The following SCFD2 variants were observed in gnomAD, a reference collection of about 807,000 sequenced individuals.
The protein encoded by SCFD2 is sec1 family domain containing 2.
In SCFD2, 54 loss-of-function variants were observed where a neutral mutation model predicts 58.9. The observed-to-expected ratio is 0.92, with a 90% CI of 0.74 to 1.15. The LOEUF is 1.15. Ranked by LOEUF, SCFD2 falls within the 50% of genes most tolerant of loss-of-function variation. The pLI is 0.00. For missense variants in SCFD2, 805 were observed against 836.6 expected (o/e 0.96, Z 0.47); for synonymous variants, 321 against 335.9 (o/e 0.96, Z 0.49).
chr4:53,247,947 G>A (rs563098224), intron 4 of SCFD2, among the ~76,000 whole-genome samples: 18 of 151,884 alleles, frequency 1.2e-4, no homozygotes, highest in South Asian at 2.1e-4. Flanking sequence ...GAACAGCTCC[G>A]GTCTACAGCT....
chr4:53,285,713 T>C (rs1452092616), intron 3 of SCFD2, among the ~76,000 whole-genome samples: 1 of 151,916 alleles, frequency 6.6e-6, no homozygotes, highest in Admixed American at 6.6e-5. Context: ...ACCTTCCCAT[T>C]CCCCTAGTCA....
chr4:52,955,866 C>T lies in SCFD2; in HGVS notation c.1562-34996G>A, dbSNP rs1213671005. The T allele has an allele frequency of 1.5e-5, 5 of 344,494 alleles. No individual in the cohort carries two copies. The East Asian group carries it at 3.9e-4, about 27-fold the overall frequency. 21.3% of individuals were successfully genotyped at this position (344,494 alleles called of 1,614,324 possible). A position where few individuals can be genotyped will look rare whatever the true frequency, so the allele number is the denominator to read the frequency against. ...GCTGAGAAAAATATCCATTGCGTGC[C>T]CAAGTTAGCATGCTCTAATTGAAGG... On this transcript the variant is annotated intron_variant, in intron 5 of 8. Transcript: ENST00000401642.
intron 5 of SCFD2, among the ~76,000 whole-genome samples, chr4:53,037,016 C>T (rs564519872): frequency 3.3e-5 from 5 of 152,100 alleles, no homozygotes; most frequent in African/African-American, 9.6e-5. Context: ...GTTCTGTATC[C>T]GAATTGTGGC....
intron 3 of SCFD2, among the ~76,000 whole-genome samples, chr4:53,307,759 G>A (rs1011357921): frequency 1.3e-5 from 2 of 152,300 alleles, no homozygotes; most frequent in African/African-American, 4.8e-5. Context: ...CCTCTGAGGA[G>A]AGGGTGCCCT....
At chr4:53,350,389 A>G (rs1270782783) in intron 2 of SCFD2, among the ~76,000 whole-genome samples, 4 of 152,182 alleles carry the variant, frequency 2.6e-5, no homozygotes, top group African/African-American at 7.2e-5. Context: ...TCTAATGTCA[A>G]TGCCTTAAAC....
intron 7 of SCFD2, among the ~76,000 whole-genome samples, chr4:52,897,481 C>A (rs1719053186): frequency 6.6e-6 from 1 of 152,160 alleles, no homozygotes; most frequent in Non-Finnish European, 1.5e-5. Flanking sequence ...ATATGTTGAA[C>A]CAGCCTTGCA....
Position 53,365,528 on chromosome 4 carries a change from C to T in SCFD2, c.414G>A (p.Glu138=), listed in dbSNP as rs202050429. The T allele has an allele frequency of 1.9e-6, 3 of 1,614,222 alleles. No homozygotes were observed. The highest frequency in any genetic ancestry group is 1.6e-4 in the Middle Eastern group (1 of 6,062). Residue 138 remains glutamate (E), a synonymous_variant, in exon 1 of 9, where the codon GAG becomes GAA. Coordinates refer to ENST00000401642, the MANE Select transcript of SCFD2 (RefSeq NM_152540.4). This position sits in a 1 kb window ranked among gnomAD's most constrained non-coding sequence, Gnocchi z 4.3. The stretch of plus-strand genomic sequence containing the variant: ...TGTTGCCCATCCATTCACACAGCTT[C>T]TCCTCCAGCTGCTCGAACACCGGCT... The part of the protein sequence containing the change: ...GQQPVFEQLE[E]KLCEWMGNMN...
intron 4 of SCFD2, among the ~76,000 whole-genome samples, chr4:53,198,580 T>C (rs1361400212): frequency 6.6e-6 from 1 of 152,048 alleles, no homozygotes; most frequent in Non-Finnish European, 1.5e-5. Flanking sequence ...TCTAGTCTTA[T>C]TATTATACAT....
In SCFD2 at chr4:53,097,623, G is replaced by C. The variant is rs921327642; in HGVS notation, c.1561+47710C>G. Among the ~76,000 whole-genome samples the C allele has an allele frequency of 3.3e-5, 5 of 152,204 alleles. 1 individual carries two copies. The highest frequency in any genetic ancestry group is 3.9e-4 in the East Asian group (2 of 5,166). On this transcript the variant is annotated intron_variant, in intron 5 of 8. Transcript: ENST00000401642. ...GCTGAAGGAGATTTTGGGCTGAGAC[G>C]ATGGGGTTTTCTAAATACACAATCA...
intron 4 of SCFD2, among the ~76,000 whole-genome samples, chr4:53,256,132 G>T (rs1278663359): frequency 6.6e-6 from 1 of 151,476 alleles, no homozygotes; most frequent in Admixed American, 6.5e-5. Flanking sequence ...CCCAGACGGG[G>T]TGGCTGCCGG....
At chr4:53,034,440 T>A (rs903586339) in intron 5 of SCFD2, among the ~76,000 whole-genome samples, 5 of 151,986 alleles carry the variant, frequency 3.3e-5, no homozygotes, top group African/African-American at 1.2e-4. Context: ...CTCTAACCAC[T>A]CCTATTCAAC....
chr4:53,187,921 T>C (rs1243912978), intron 4 of SCFD2, among the ~76,000 whole-genome samples: 2 of 152,174 alleles, frequency 1.3e-5, no homozygotes, highest in Non-Finnish European at 2.9e-5. Context: ...CATCAAGAGA[T>C]ATTCTTGCCC....
At chr4:53,028,758 G>C (rs1030078921) in intron 5 of SCFD2, among the ~76,000 whole-genome samples, 3 of 152,134 alleles carry the variant, frequency 2.0e-5, no homozygotes, top group African/African-American at 7.2e-5. Context: ...GTATAAAGGG[G>C]GAGTGACTAC....
At chr4:52,970,468 G>A (rs561512219) in intron 5 of SCFD2, among the ~76,000 whole-genome samples, 4 of 152,332 alleles carry the variant, frequency 2.6e-5, no homozygotes, top group South Asian at 2.1e-4. Flanking sequence ...CGAGGCTCGG[G>A]GAGGGGCACC....
chr4:53,290,525 C>A (rs1430602748), intron 3 of SCFD2, among the ~76,000 whole-genome samples: 2 of 151,684 alleles, frequency 1.3e-5, no homozygotes, highest in African/African-American at 4.8e-5. Context: ...AAAAGAAGAT[C>A]CGAAATAAAT....
intron 5 of SCFD2, among the ~76,000 whole-genome samples, chr4:52,975,491 G>C (rs1350972145): frequency 1.3e-5 from 2 of 152,204 alleles, no homozygotes; most frequent in East Asian, 1.9e-4. Flanking sequence ...ACACCAGTTA[G>C]AATGGTGATC....
At chr4:53,322,371 AATGGC>A (rs1281665440) in intron 2 of SCFD2, among the ~76,000 whole-genome samples, 7 of 152,170 alleles carry the variant, frequency 4.6e-5, no homozygotes, top group African/African-American at 1.7e-4. Context: ...ACAGTTTACA[AATGGC>A]ATGGCAACAT....
chr4:53,342,537 T>A (rs1460259437), intron 2 of SCFD2, among the ~76,000 whole-genome samples: 2 of 152,110 alleles, frequency 1.3e-5, no homozygotes, highest in Non-Finnish European at 2.9e-5. Flanking sequence ...TTGTCAACAT[T>A]AGACAGATCA....
intron 2 of SCFD2, among the ~76,000 whole-genome samples, chr4:53,329,128 A>G (rs1367764913): frequency 6.6e-6 from 1 of 152,238 alleles, no homozygotes; most frequent in Non-Finnish European, 1.5e-5. Context: ...CTAGCACAGC[A>G]GTCTGAGATC....
Sources: gnomAD v4.1 joint callset for allele counts (sites outside exome capture counted in the v4.1 genomes callset) on GRCh38, gnomAD v4.1.1 for gene constraint, Gnocchi (gnomAD v3.1) non-coding constraint, MANE v1.5 for transcripts, NCBI Gene and HGNC (gene_info 2026-07-23, HGNC 2026-07-21) for gene names.